The following CFAP70 variants were observed in gnomAD, a reference collection of about 807,000 sequenced individuals.
CFAP70 encodes the protein cilia- and flagella-associated protein 70.
Under a neutral mutation model 137.6 loss-of-function variants are expected in CFAP70, and 81 were observed. The observed-to-expected ratio is 0.59, with a 90% CI of 0.49 to 0.71. The LOEUF is 0.71. Ranked by LOEUF, CFAP70 falls within the 30% of genes least tolerant of loss-of-function variation. The pLI is 0.00. For missense variants in CFAP70, 976 were observed against 1,226.7 expected (o/e 0.80, Z 3.05); for synonymous variants, 382 against 423.6 (o/e 0.90, Z 1.20).
At chr10:73,359,654 C>T (rs1435367455), upstream of CFAP70, among the ~76,000 whole-genome samples, 2 of 152,112 alleles carry the variant, frequency 1.3e-5, no homozygotes, top group African/African-American at 4.8e-5. Flanking sequence ...TAGAGAACTA[C>T]CATTTGACAA....
At chr10:73,260,381 G>A (rs2045034944) in intron 25 of CFAP70, among the ~76,000 whole-genome samples, 1 of 152,166 alleles carries the variant, frequency 6.6e-6, no homozygotes. Context: ...TGTGTGTGAT[G>A]TGTGAGGTAA....
intron 9 of CFAP70, among the ~76,000 whole-genome samples, chr10:73,316,164 A>G (rs950923824): frequency 4.5e-4 from 68 of 152,096 alleles, no homozygotes; most frequent in Admixed American, 2.7e-3. Flanking sequence ...TTCTGTTTCC[A>G]TAGTATATCT....
At chr10:73,256,203 GGTT>G (rs1212796106) in intron 26 of CFAP70, among the ~76,000 whole-genome samples, 163 bp downstream of exon 27, 1 of 152,112 alleles carries the variant, frequency 6.6e-6, no homozygotes, top group Non-Finnish European at 1.5e-5. Flanking sequence ...GTAATATGTA[GGTT>G]GTTATTACAA....
chr10:73,308,657 T>C (rs1188308874), intron 12 of CFAP70, among the ~76,000 whole-genome samples: 1 of 147,486 alleles, frequency 6.8e-6, no homozygotes, highest in Non-Finnish European at 1.5e-5. Context: ...ATTGAAATCA[T>C]ATGAAGCATA....
At chr10:73,290,044 C>CAAAAAAAA (rs397847750) in intron 19 of CFAP70, among the ~76,000 whole-genome samples, 2 of 72,232 alleles carry the variant, frequency 2.8e-5, no homozygotes, top group African/African-American at 4.4e-5. Flanking sequence ...GACTCCATCT[C>CAAAAAAAA]AAAAAAAAAA....
chr10:73,343,399 A>G (rs1336925084), intron 5 of CFAP70, among the ~76,000 whole-genome samples: 1 of 151,778 alleles, frequency 6.6e-6, no homozygotes, highest in Admixed American at 6.6e-5. Flanking sequence ...AGCTGGAACT[A>G]AGACTACTGC....
intron 8 of CFAP70, among the ~76,000 whole-genome samples, chr10:73,323,875 T>C (rs2051121274): frequency 6.6e-6 from 1 of 152,240 alleles, no homozygotes; most frequent in Non-Finnish European, 1.5e-5. Flanking sequence ...TGCCTGCCTC[T>C]GTAGGCTCCA....
chr10:73,336,238 T>G (rs2052647125), intron 6 of CFAP70, among the ~76,000 whole-genome samples: 1 of 152,202 alleles, frequency 6.6e-6, no homozygotes, highest in Non-Finnish European at 1.5e-5. Context: ...TGTCATTGTT[T>G]TAAACGCTTT....
chr10:73,299,964 G>GGTATACAA (rs1266007522), intron 12 of CFAP70, among the ~76,000 whole-genome samples: 1 of 152,028 alleles, frequency 6.6e-6, no homozygotes, highest in African/African-American at 2.4e-5. Flanking sequence ...AAAAACTTGT[G>GGTATACAA]GTATACAAGG....
intron 1 of CFAP70, among the ~76,000 whole-genome samples, chr10:73,356,604 TTTATAA>T (rs2054699574): frequency 6.6e-6 from 1 of 152,238 alleles, no homozygotes; most frequent in African/African-American, 2.4e-5. Context: ...GCCTTCAGAC[TTTATAA>T]TTATCCTGCC....
At chr10:73,291,592 A>G in intron 18 of CFAP70, 48 bp downstream of exon 19, 1 of 1,553,822 alleles carries the variant, frequency 6.4e-7, no homozygotes, top group Non-Finnish European at 8.8e-7. Context: ...AAAAGGGAAA[A>G]TCTTATAATG....
upstream of CFAP70, among the ~76,000 whole-genome samples, chr10:73,361,400 C>A (rs914024701): frequency 6.6e-6 from 1 of 151,464 alleles, no homozygotes. Flanking sequence ...TCAAGTGACC[C>A]TCCCACCTCA....
intron 5 of CFAP70, among the ~76,000 whole-genome samples, chr10:73,342,558 T>C (rs538545722): frequency 2.4e-4 from 37 of 151,750 alleles, no homozygotes; most frequent in Non-Finnish European, 4.9e-4. Context: ...AATAGATAGA[T>C]AGATAGAGAG....
intron 8 of CFAP70, among the ~76,000 whole-genome samples, chr10:73,328,165 A>G (rs2051673956): frequency 6.6e-6 from 1 of 152,194 alleles, no homozygotes; most frequent in Non-Finnish European, 1.5e-5. Flanking sequence ...AACAGAACAG[A>G]GCCCTGAGAA....
intron 9 of CFAP70, among the ~76,000 whole-genome samples, chr10:73,317,245 T>C (rs1365352764): frequency 2.0e-5 from 3 of 152,182 alleles, no homozygotes; most frequent in Non-Finnish European, 2.9e-5. Context: ...CTCAAACTCC[T>C]GACCTTAGGT....
exon 3 of CFAP70, chr10:73,353,613 C>G: frequency 6.2e-7 from 1 of 1,614,172 alleles, no homozygotes; most frequent in South Asian, 1.1e-5. Flanking sequence ...GGATTAAACT[C>G]AAAACTGCTA....
intron 19 of CFAP70, among the ~76,000 whole-genome samples, chr10:73,288,797 G>A (rs1364769987): frequency 6.6e-6 from 1 of 152,190 alleles, no homozygotes; most frequent in Non-Finnish European, 1.5e-5. Context: ...AACTCCACAG[G>A]TGATTAATTT....
At chr10:73,361,839 T>A (rs558356880), upstream of CFAP70, among the ~76,000 whole-genome samples, 1 of 151,682 alleles carries the variant, frequency 6.6e-6, no homozygotes, top group South Asian at 2.1e-4. Flanking sequence ...GCAATCACTA[T>A]GAAAACCCCA....
intron 3 of CFAP70, among the ~76,000 whole-genome samples, chr10:73,350,784 C>T (rs1484903240): frequency 4.6e-5 from 7 of 151,528 alleles, no homozygotes; most frequent in East Asian, 1.9e-4. Context: ...TTTTCAAGAC[C>T]AGGTCTCACT....
Sources: gnomAD v4.1 joint callset for allele counts (sites outside exome capture counted in the v4.1 genomes callset) on GRCh38, gnomAD v4.1.1 for gene constraint, MANE v1.5 for transcripts, NCBI Gene and HGNC (gene_info 2026-07-23, HGNC 2026-07-21) for gene names.